Variants in TRAPPC9 observed in about 807,000 individuals in gnomAD.
TRAPPC9 encodes the protein trafficking protein particle complex subunit 9.
A neutral mutation model predicts 124.0 loss-of-function variants in TRAPPC9; 83 were observed. The observed-to-expected ratio is 0.67, with a 90% CI of 0.56 to 0.80. The LOEUF is 0.80. Ranked by LOEUF, TRAPPC9 falls within the 30% of genes least tolerant of loss-of-function variation. TRAPPC9 has a pLI of 0.00. For missense variants in TRAPPC9, 1,302 were observed against 1,508.3 expected (o/e 0.86, Z 2.27); for synonymous variants, 638 against 617.5 (o/e 1.03, Z -0.49).
At position 139,984,045 on chromosome 8, in the gene TRAPPC9, C is replaced by T. The variant is rs549841638; in HGVS notation, c.2810+4681G>A. Among the ~76,000 whole-genome samples the T allele has an allele frequency of 3.9e-5, 6 of 152,284 alleles. No homozygotes were observed. The highest frequency in any genetic ancestry group is 1.4e-4 in the African/African-American group (6 of 41,558). ...GCTCCTCCTCGTGCTGTTGGGGACACATTTCTATCCATAGCTCTTGCACTG... is the reference window on the plus strand; with the variant it reads ...GCTCCTCCTCGTGCTGTTGGGGACATATTTCTATCCATAGCTCTTGCACTG... On this transcript the variant is annotated intron_variant, in intron 19 of 22. Transcript: ENST00000438773. This position sits in a 1 kb window ranked among gnomAD's most constrained non-coding sequence, Gnocchi z 4.3.
intron 21 of TRAPPC9, among the ~76,000 whole-genome samples, chr8:139,842,023 T>G (rs1351810078): frequency 1.3e-5 from 2 of 152,180 alleles, no homozygotes; most frequent in East Asian, 1.9e-4. Flanking sequence ...CACAGCAGTG[T>G]GAGTCCAGCT....
chr8:140,297,355 C>CACACATACACGCAT (rs1273073559), intron 11 of TRAPPC9, among the ~76,000 whole-genome samples: 2 of 151,974 alleles, frequency 1.3e-5, no homozygotes. Context: ...CATAGACACA[C>CACACATACACGCAT]ACACATACAC....
intron 21 of TRAPPC9, 74 bp downstream of exon 21, chr8:139,885,805 C>G: frequency 1.4e-6 from 2 of 1,454,410 alleles, no homozygotes; most frequent in South Asian, 1.2e-5. Context: ...CCACACCCCC[C>G]AAGACCTTGC....
chr8:140,397,533 A>G (rs951431336), intron 7 of TRAPPC9, 87 bp downstream of exon 7: 2 of 1,536,046 alleles, frequency 1.3e-6, no homozygotes. Context: ...GCTGAACCTC[A>G]GCAAAACGAA....
intron 2 of TRAPPC9, among the ~76,000 whole-genome samples, chr8:140,439,505 G>C (rs1259816411): frequency 6.6e-6 from 1 of 152,180 alleles, no homozygotes; most frequent in Non-Finnish European, 1.5e-5. Context: ...ATTAGCATAA[G>C]GAAGTTTATG....
chr8:139,829,601 G>A (rs558376603), intron 21 of TRAPPC9, among the ~76,000 whole-genome samples: 56 of 152,346 alleles, frequency 3.7e-4, no homozygotes, highest in Admixed American at 1.9e-3. Context: ...AGAGCCTTGG[G>A]ATGGGCGCTG....
intron 5 of TRAPPC9, among the ~76,000 whole-genome samples, chr8:140,412,453 A>G (rs1214411319): frequency 6.6e-6 from 1 of 152,142 alleles, no homozygotes; most frequent in Admixed American, 6.5e-5. Context: ...GTGGAATGCA[A>G]ATAAGGTCTG....
At chr8:140,169,759 G>C (rs890310010) in intron 17 of TRAPPC9, among the ~76,000 whole-genome samples, 1 of 151,944 alleles carries the variant, frequency 6.6e-6, no homozygotes, top group Non-Finnish European at 1.5e-5. Flanking sequence ...AGCCGGGGTC[G>C]GGAGGAGGAG....
At chr8:140,079,916 C>G (rs1843719655) in intron 17 of TRAPPC9, among the ~76,000 whole-genome samples, 2 of 151,676 alleles carry the variant, frequency 1.3e-5, no homozygotes, top group Non-Finnish European at 2.9e-5. Context: ...GGCGAGAGAG[C>G]ACAATTCTGT....
intron 15 of TRAPPC9, among the ~76,000 whole-genome samples, chr8:140,265,927 T>C (rs989448358): frequency 6.6e-6 from 1 of 152,224 alleles, no homozygotes; most frequent in African/African-American, 2.4e-5. Flanking sequence ...TACGGAGCCA[T>C]CATTTTTTGT....
chr8:140,382,228 G>T (rs968945644), intron 7 of TRAPPC9, among the ~76,000 whole-genome samples: 1 of 152,240 alleles, frequency 6.6e-6, no homozygotes, highest in Non-Finnish European at 1.5e-5. Flanking sequence ...CAGAAGATGA[G>T]TGATTTCTGC....
At position 140,405,391 on chromosome 8, in the gene TRAPPC9, C is replaced by T. The variant is rs557665929; in HGVS notation, c.1008+186G>A. ...TCTTTTCCAAATTTATTATACTAAACCTACACTGTTTTGAATCAGAAAAAG... is the reference window on the plus strand; with the variant it reads ...TCTTTTCCAAATTTATTATACTAAATCTACACTGTTTTGAATCAGAAAAAG... On this transcript the variant is annotated intron_variant, in intron 6 of 22. Coordinates refer to ENST00000438773, the MANE Select transcript of TRAPPC9 (RefSeq NM_001160372.4). 73 of 606,746 alleles carry T rather than the reference C, an allele frequency of 1.2e-4. No individual in the cohort carries two copies. In the South Asian group the frequency reaches 1.5e-3, roughly 13 times the overall value. 37.6% of individuals were successfully genotyped at this position (606,746 alleles called of 1,614,324 possible). A position where few individuals can be genotyped will look rare whatever the true frequency, so the allele number is the denominator to read the frequency against.
chr8:140,047,290 G>A (rs1410380960), intron 17 of TRAPPC9, among the ~76,000 whole-genome samples: 2 of 152,374 alleles, frequency 1.3e-5, no homozygotes, highest in African/African-American at 4.8e-5. Flanking sequence ...CACGCATGCA[G>A]AAGCTCAGTC....
chr8:139,835,217 T>TC (rs1826253688), intron 21 of TRAPPC9, among the ~76,000 whole-genome samples: 1 of 152,112 alleles, frequency 6.6e-6, no homozygotes, highest in African/African-American at 2.4e-5. Flanking sequence ...CCTCAAATCC[T>TC]CCCCCATCTG....
At chr8:139,814,591 C>G (rs930819603) in intron 21 of TRAPPC9, among the ~76,000 whole-genome samples, 2 of 152,174 alleles carry the variant, frequency 1.3e-5, no homozygotes, top group Non-Finnish European at 2.9e-5. Flanking sequence ...AGATAGGAAG[C>G]TGAGACTCTG....
intron 18 of TRAPPC9, among the ~76,000 whole-genome samples, chr8:140,022,828 G>C (rs889738833): frequency 2.0e-5 from 3 of 152,222 alleles, no homozygotes; most frequent in Non-Finnish European, 4.4e-5. Context: ...GATGAAATGT[G>C]ATGCTAAAAG....
At chr8:140,295,225 C>T (rs1437205726) in intron 11 of TRAPPC9, among the ~76,000 whole-genome samples, 1 of 152,236 alleles carries the variant, frequency 6.6e-6, no homozygotes, top group South Asian at 2.1e-4. Context: ...GCACATAGCA[C>T]AGGGCATATA....
chr8:139,885,621 A>C (rs769254983), intron 21 of TRAPPC9, among the ~76,000 whole-genome samples: 7 of 152,246 alleles, frequency 4.6e-5, no homozygotes, highest in Admixed American at 6.5e-5. Context: ...CACCTGTTTC[A>C]ACGGGCGATG....
intron 20 of TRAPPC9, among the ~76,000 whole-genome samples, chr8:139,900,788 C>T (rs1006178054): frequency 3.7e-4 from 57 of 152,116 alleles, no homozygotes; most frequent in Admixed American, 1.3e-3. Context: ...CATTTGAAAC[C>T]ATGGGGCAGC....
Sources: allele counts gnomAD v4.1 joint callset (sites outside exome capture counted in the v4.1 genomes callset), GRCh38; gene constraint gnomAD v4.1.1; non-coding constraint Gnocchi (gnomAD v3.1); transcripts MANE v1.5; gene names NCBI Gene and HGNC (gene_info 2026-07-23, HGNC 2026-07-21).